The following FCGR2B variants were observed in gnomAD, a reference collection of about 807,000 sequenced individuals.
FCGR2B encodes Fc gamma receptor IIb, also known as low affinity immunoglobulin gamma Fc region receptor II-b.
FCGR2B carries 18 observed loss-of-function variants against 24.8 expected under a neutral mutation model. The observed-to-expected ratio is 0.73, with a 90% confidence interval of 0.50 to 1.08. The LOEUF is 1.08. Among genes scored for constraint, FCGR2B ranks in the 50% least tolerant of loss-of-function variants. The pLI is 0.00. For missense variants in FCGR2B, 215 were observed against 297.6 expected (o/e 0.72, Z 2.04); for synonymous variants, 79 against 109.8 (o/e 0.72, Z 1.75).
upstream of FCGR2B, among the ~76,000 whole-genome samples, chr1:161,661,189 GGAAAGAAAGAAA>G (rs201423251): frequency 0.087 from 6,002 of 68,832 alleles, 240 homozygotes; most frequent in African/African-American, 0.12. Context: ...AAGGAAGAAA[GGAAAGAAAGAAA>G]GAAAGAAAGA....
the FCGR2B span, among the ~76,000 whole-genome samples, chr1:161,647,433 TG>T: frequency 1.3e-5 from 2 of 150,132 alleles, no homozygotes; most frequent in Non-Finnish European, 3.0e-5. Context: ...CCTGAGTAGC[TG>T]GGACTACAGG....
chr1:161,649,539 T>A, the FCGR2B span, among the ~76,000 whole-genome samples: 91 of 150,952 alleles, frequency 6.0e-4, 1 homozygote, highest in African/African-American at 2.1e-3. Context: ...TTGATAAATC[T>A]TTTTGAAAAC....
the FCGR2B span, among the ~76,000 whole-genome samples, chr1:161,653,404 T>A: frequency 1.6e-5 from 2 of 124,324 alleles, no homozygotes; most frequent in African/African-American, 5.4e-5. Context: ...AGACTCCATC[T>A]CAATAAATAA....
intron 6 of FCGR2B, chr1:161,676,733 T>C (rs759732758): frequency 3.8e-5 from 6 of 157,526 alleles, no homozygotes; most frequent in Non-Finnish European, 8.3e-5. Flanking sequence ...TCACACTGGC[T>C]AAGTCAGTTC....
At chr1:161,671,053 G>T (rs1232134936) in intron 2 of FCGR2B, among the ~76,000 whole-genome samples, 1 of 152,062 alleles carries the variant, frequency 6.6e-6, no homozygotes, top group Non-Finnish European at 1.5e-5. Context: ...TGTATGTATG[G>T]GGTGTCTGTG....
At chr1:161,647,397 T>C in the FCGR2B span, among the ~76,000 whole-genome samples, 1 of 144,958 alleles carries the variant, frequency 6.9e-6, no homozygotes, top group Non-Finnish European at 1.5e-5. Flanking sequence ...GCCTGCCGGG[T>C]TCAAGCAATT....
At chr1:161,654,368 T>G in the FCGR2B span, among the ~76,000 whole-genome samples, 2 of 132,896 alleles carry the variant, frequency 1.5e-5, no homozygotes, top group African/African-American at 5.0e-5. Context: ...ATGTTTGTTT[T>G]TTGTTGTTGT....
At chr1:161,650,217 G>A in the FCGR2B span, among the ~76,000 whole-genome samples, 1 of 147,100 alleles carries the variant, frequency 6.8e-6, no homozygotes, top group African/African-American at 2.5e-5. Flanking sequence ...GGCCAGGCTG[G>A]TCTCAAACTC....
rs1429964368 is a variant in FCGR2B, at chr1:161,677,545, C to T, written c.925C>T (p.Arg309Cys). The T allele has an allele frequency of 5.6e-6, 9 of 1,609,660 alleles. No homozygotes were observed. The East Asian group carries it at 8.9e-5, about 16-fold the overall frequency. The change falls in exon 8 of 8, where the codon CGT becomes TGT. Residue 309 changes from arginine to cysteine, a missense_variant. By Grantham distance (180) the Arg-to-Cys change is radical. Transcript: ENST00000358671. ...DALEEPDDQN[R>C]I ...TCTGGAAGAGCCTGATGACCAGAAC[C>T]GTATTTAGTCTCCATTGTCTTGCAT... is the stretch of plus-strand genomic sequence containing the variant.
In FCGR2B at chr1:161,677,535, T is replaced by G; in HGVS notation, c.915T>G (p.Asp305Glu). The G allele has an allele frequency of 6.2e-7, 1 of 1,612,830 alleles. No homozygotes were observed. Among genetic ancestry groups the G allele is most frequent in the Non-Finnish European group, 8.5e-7 (1 of 1,178,938 alleles). The stretch of plus-strand genomic sequence containing the variant: ...ACCCGGATGCTCTGGAAGAGCCTGA[T>G]GACCAGAACCGTATTTAGTCTCCAT... ...LMHPDALEEPDDQNRI is the reference protein window; with the variant it reads ...LMHPDALEEPEDQNRI The change falls in exon 8 of 8, where the codon GAT (aspartate) becomes GAG (glutamate). Residue 305 changes from aspartate (D) to glutamate (E), a missense_variant. Asp to Glu is a conservative substitution (Grantham distance 45). Transcript: ENST00000358671.
At chr1:161,654,780 G>A in the FCGR2B span, among the ~76,000 whole-genome samples, 1 of 137,758 alleles carries the variant, frequency 7.3e-6, no homozygotes, top group African/African-American at 2.5e-5. Context: ...AGAAACACCT[G>A]TCTTTTCTTA....
chr1:161,648,751 G>A, the FCGR2B span, among the ~76,000 whole-genome samples: 6 of 150,442 alleles, frequency 4.0e-5, no homozygotes, highest in Admixed American at 3.3e-4. Context: ...GTACAGTGGC[G>A]CAAGCTTGGC....
rs756505902 is a variant in FCGR2B, at chr1:161,677,576, T to A, written c.*23T>A. Reference sequence around the variant, plus strand: ...TAGTCTCCATTGTCTTGCATTGGGATTTGAGAAGAAAATCAGAGAGGGAAG... The same window carrying A: ...TAGTCTCCATTGTCTTGCATTGGGAATTGAGAAGAAAATCAGAGAGGGAAG... On this transcript the variant is annotated 3_prime_UTR_variant, in exon 8 of 8. Transcript: ENST00000358671. The A allele has an allele frequency of 2.4e-5, 38 of 1,565,274 alleles. No homozygotes were observed. Among genetic ancestry groups the A allele is most frequent in the African/African-American group, 2.7e-5 (2 of 73,464 alleles).
In FCGR2B at chr1:161,678,331, T is replaced by A; in HGVS notation, c.*778T>A. Reference sequence around the variant, plus strand: ...TACCATATTTCTATTGTACCTTTTCTATTCCTATGTTTAGATATATGAGTA... The same window carrying A: ...TACCATATTTCTATTGTACCTTTTCAATTCCTATGTTTAGATATATGAGTA... On this transcript the variant is annotated 3_prime_UTR_variant, in exon 8 of 8. Transcript: ENST00000358671. 4.6e-6 allele frequency: 1 copy of A among 216,972 alleles called. No homozygotes were observed. The highest frequency in any genetic ancestry group is 9.3e-6 in the Non-Finnish European group (1 of 107,720). The allele number at this position is 216,972 out of a possible 1,614,324, so 13.4% of individuals were successfully genotyped here.
At chr1:161,676,983 C>G (rs1682200274) in intron 6 of FCGR2B, 1 of 383,392 alleles carries the variant, frequency 2.6e-6, no homozygotes, top group Non-Finnish European at 4.7e-6. Flanking sequence ...CTTTACTTCA[C>G]TCTGATGCTG....
rs1682302337 is a variant in FCGR2B at position 161,678,265 on chromosome 1, C to G, written c.*712C>G. 1 of 218,920 alleles carries G rather than the reference C, an allele frequency of 4.6e-6. No homozygotes were observed. The highest frequency in any genetic ancestry group is 2.2e-5 in the African/African-American group (1 of 44,498). 13.6% of individuals were successfully genotyped at this position (218,920 alleles called of 1,614,324 possible). A position where few individuals can be genotyped will look rare whatever the true frequency, so the allele number is the denominator to read the frequency against. ...CACCACATAATGATGTTTAGTTCAA[C>G]AACAGACTGCATATATGATGGTGAT... On this transcript the variant is annotated 3_prime_UTR_variant, in exon 8 of 8. Coordinates refer to ENST00000358671, the MANE Select transcript of FCGR2B (RefSeq NM_001394477.1).
At position 161,677,669 on chromosome 1, in the gene FCGR2B, G is replaced by A. The variant is rs900674887; in HGVS notation, c.*116G>A. ...GAGATGCTGCAGTTCCAAAAGAGAA[G>A]GTTTCTTCCAGAGTCATCTACCTGA... On this transcript the variant is annotated 3_prime_UTR_variant, in exon 8 of 8. Transcript: ENST00000358671. The A allele has an allele frequency of 2.5e-6, 2 of 815,684 alleles. No homozygotes were observed. Among genetic ancestry groups the A allele is most frequent in the East Asian group, 5.0e-5 (2 of 39,902 alleles). 50.5% of individuals were successfully genotyped at this position (815,684 alleles called of 1,614,324 possible).
At chr1:161,674,960 G>A in intron 5 of FCGR2B, 1 of 349,752 alleles carries the variant, frequency 2.9e-6, no homozygotes, top group Non-Finnish European at 5.2e-6. Flanking sequence ...AACAGAGAGA[G>A]AGAGACTGAG....
rs562921196 is a variant in FCGR2B, at chr1:161,675,771, G to A, written c.817+458G>A. The A allele has an allele frequency of 1.3e-5, 3 of 235,590 alleles. No homozygotes were observed. The South Asian group carries it at 5.3e-4, about 41-fold the overall frequency. 14.6% of individuals were successfully genotyped at this position (235,590 alleles called of 1,614,324 possible). On this transcript the variant is annotated intron_variant, in intron 6 of 7. Transcript: ENST00000358671. The stretch of plus-strand genomic sequence containing the variant: ...AGGAATCTGCCTCTGTGGAGGGATG[G>A]GGTGGAGTGGCCAGGCTCAGCTGTC...
Sources: allele counts gnomAD v4.1 joint callset (sites outside exome capture counted in the v4.1 genomes callset), GRCh38; gene constraint gnomAD v4.1.1; transcripts MANE v1.5; gene names NCBI Gene and HGNC (gene_info 2026-07-23, HGNC 2026-07-21).